Variants in TENM3 observed in about 807,000 individuals in gnomAD.
TENM3 encodes teneurin-3.
A neutral mutation model predicts 255.1 loss-of-function variants in TENM3; 63 were observed. The observed-to-expected ratio is 0.25, with a 90% confidence interval of 0.20 to 0.30. The LOEUF (loss-of-function observed/expected upper bound fraction) is 0.30. TENM3 is among the 10% of genes least tolerant of loss of function. TENM3 has a pLI of 1.00. For missense variants in TENM3, 2,929 were observed against 3,461.1 expected, an observed-to-expected ratio of 0.85 and a Z score of 3.86; for synonymous variants, 1,306 against 1,322.3, an observed-to-expected ratio of 0.99 and a Z score of 0.27.
At chr4:181,493,449 G>A in the TENM3 span, among the ~76,000 whole-genome samples, 3 of 152,010 alleles carry the variant, frequency 2.0e-5, no homozygotes, top group Admixed American at 6.6e-5. Flanking sequence ...ATAGAGGTAC[G>A]ACCAGGCGTG....
chr4:181,545,355 G>A, the TENM3 span, among the ~76,000 whole-genome samples: 2 of 152,112 alleles, frequency 1.3e-5, no homozygotes, highest in Non-Finnish European at 2.9e-5. Flanking sequence ...GTGGTTTGTA[G>A]CCATTTTGTT....
intron 3 of TENM3, among the ~76,000 whole-genome samples, chr4:182,417,554 A>G (rs1424639661): frequency 6.6e-6 from 1 of 152,194 alleles, no homozygotes; most frequent in Non-Finnish European, 1.5e-5. Flanking sequence ...AAAAAAATTC[A>G]TAAAATACAT....
At chr4:182,400,367 C>A (rs1769139990) in intron 3 of TENM3, among the ~76,000 whole-genome samples, 1 of 152,180 alleles carries the variant, frequency 6.6e-6, no homozygotes, top group South Asian at 2.1e-4. Context: ...GGATCAATTA[C>A]TGTAACCTAA....
At chr4:182,013,977 CGTGT>C in the TENM3 span, among the ~76,000 whole-genome samples, 36 of 105,428 alleles carry the variant, frequency 3.4e-4, no homozygotes, top group African/African-American at 1.2e-3. Context: ...CGTATATATA[CGTGT>C]ATATACGTAT....
chr4:181,500,423 C>G, the TENM3 span, among the ~76,000 whole-genome samples: 3 of 151,650 alleles, frequency 2.0e-5, no homozygotes, highest in Non-Finnish European at 2.9e-5. Context: ...AGGGAACAAA[C>G]AAAAAATATG....
At chr4:182,777,444 AC>A (rs1401355023) in intron 24 of TENM3, among the ~76,000 whole-genome samples, 1 of 151,492 alleles carries the variant, frequency 6.6e-6, no homozygotes, top group Non-Finnish European at 1.5e-5. Flanking sequence ...TAAATCTAAC[AC>A]TAGAAATAAT....
the TENM3 span, among the ~76,000 whole-genome samples, chr4:181,626,147 T>G: frequency 2.6e-5 from 4 of 152,108 alleles, no homozygotes; most frequent in Non-Finnish European, 4.4e-5. Context: ...TTGGGTAAAT[T>G]GAAGGATCAG....
At chr4:182,288,130 T>G (rs759875506) in intron 1 of TENM3, among the ~76,000 whole-genome samples, 1 of 151,938 alleles carries the variant, frequency 6.6e-6, no homozygotes, top group East Asian at 1.9e-4. Flanking sequence ...GAGACGAGAT[T>G]TCTCCGTGTT....
intron 19 of TENM3, among the ~76,000 whole-genome samples, chr4:182,749,809 A>T (rs1465188513): frequency 6.6e-6 from 1 of 152,218 alleles, no homozygotes; most frequent in Non-Finnish European, 1.5e-5. Flanking sequence ...TATGCATACC[A>T]TGTACACAGC....
At chr4:181,570,292 G>A in the TENM3 span, among the ~76,000 whole-genome samples, 2 of 151,944 alleles carry the variant, frequency 1.3e-5, no homozygotes, top group African/African-American at 2.4e-5. Flanking sequence ...TGATCCACCC[G>A]CCTCGGCCTC....
intron 1 of TENM3, among the ~76,000 whole-genome samples, chr4:182,153,066 G>A (rs1036868407): frequency 2.6e-5 from 4 of 151,362 alleles, no homozygotes; most frequent in African/African-American, 4.8e-5. Context: ...ATGTTTCAGG[G>A]GACTTCAGAT....
At chr4:181,608,775 C>G in the TENM3 span, among the ~76,000 whole-genome samples, 1 of 152,118 alleles carries the variant, frequency 6.6e-6, no homozygotes, top group Non-Finnish European at 1.5e-5. Context: ...TTTTAAAGTG[C>G]TGACCCTAAT....
At chr4:182,611,144 T>C (rs912527607) in intron 4 of TENM3, among the ~76,000 whole-genome samples, 1 of 152,160 alleles carries the variant, frequency 6.6e-6, no homozygotes, top group Non-Finnish European at 1.5e-5. Flanking sequence ...TCTCCAAATA[T>C]AAGTTCATTA....
the TENM3 span, among the ~76,000 whole-genome samples, chr4:181,653,920 G>A: frequency 7.3e-4 from 111 of 151,628 alleles, no homozygotes; most frequent in Non-Finnish European, 1.4e-3. Flanking sequence ...GTGTCCATGC[G>A]TTCTCACAGT....
chr4:182,079,119 ATTG>A, the TENM3 span, among the ~76,000 whole-genome samples: 2 of 152,330 alleles, frequency 1.3e-5, 1 homozygote, highest in South Asian at 4.1e-4. Flanking sequence ...TTTTGTCAAA[ATTG>A]CTGGTGGACT....
At chr4:182,220,041 T>C (rs1284556431) in intron 1 of TENM3, among the ~76,000 whole-genome samples, 1 of 152,104 alleles carries the variant, frequency 6.6e-6, no homozygotes, top group Admixed American at 6.5e-5. Context: ...ATGCATGTGG[T>C]TTGGCCCTGA....
intron 13 of TENM3, among the ~76,000 whole-genome samples, chr4:182,725,276 T>G (rs982832935): frequency 1.4e-4 from 22 of 152,256 alleles, no homozygotes; most frequent in African/African-American, 4.8e-4. Flanking sequence ...TGGGCTTAAG[T>G]GATCCTCCCA....
intron 1 of TENM3, among the ~76,000 whole-genome samples, chr4:182,160,692 G>A (rs1347028306): frequency 6.6e-6 from 1 of 152,184 alleles, no homozygotes; most frequent in East Asian, 1.9e-4. Flanking sequence ...TGGGACATGG[G>A]GAAGGGGAGA....
rs573124791 is a variant in TENM3 at position 182,667,921 on chromosome 4, A to G, written c.1112-5084A>G. Among the ~76,000 whole-genome samples the G allele has an allele frequency of 1.5e-4, 23 of 152,206 alleles. No individual in the cohort carries two copies. In the South Asian group the frequency reaches 4.6e-3, roughly 30 times the overall value. ...TATGTAACAAACCTGCACGTTTTGC[A>G]CGTGTACCCTAGAACTTAAAGTATA... On this transcript the variant is annotated intron_variant, in intron 6 of 27. Coordinates refer to ENST00000511685, the MANE Select transcript of TENM3 (RefSeq NM_001080477.4).
Sources: gnomAD v4.1 joint callset for allele counts (sites outside exome capture counted in the v4.1 genomes callset) on GRCh38, gnomAD v4.1.1 for gene constraint, MANE v1.5 for transcripts, NCBI Gene and HGNC (gene_info 2026-07-23, HGNC 2026-07-21) for gene names.